Variants in NUBPL observed in about 807,000 individuals in gnomAD.
The protein encoded by NUBPL is iron-sulfur cluster transfer protein NUBPL.
A neutral mutation model predicts 45.7 loss-of-function variants in NUBPL; 31 were observed. The observed-to-expected ratio is 0.68, with a 90% CI of 0.51 to 0.92. The LOEUF is 0.92. NUBPL is among the 40% of genes least tolerant of loss of function. The probability of loss-of-function intolerance (pLI) is 0.00; values close to 1 mark genes in which losing one functional copy is unlikely to be tolerated. For missense variants in NUBPL, 401 were observed against 398.7 expected, an observed-to-expected ratio of 1.01 and a Z score of -0.05; for synonymous variants, 144 against 140.9, an observed-to-expected ratio of 1.02 and a Z score of -0.15.
chr14:31,601,062 G>A (rs574232674), intron 4 of NUBPL, among the ~76,000 whole-genome samples: 9 of 152,218 alleles, frequency 5.9e-5, no homozygotes, highest in African/African-American at 1.9e-4. Context: ...TCAGATAGTC[G>A]TAGATATGCG....
intron 6 of NUBPL, among the ~76,000 whole-genome samples, chr14:31,707,098 T>G (rs1164347353): frequency 5.6e-4 from 85 of 152,226 alleles, no homozygotes; most frequent in Non-Finnish European, 3.8e-4. Context: ...GGAGGAACCA[T>G]CTATCATCCT....
At chr14:31,705,875 G>A (rs920536598) in intron 6 of NUBPL, among the ~76,000 whole-genome samples, 14 of 152,184 alleles carry the variant, frequency 9.2e-5, no homozygotes, top group Non-Finnish European at 1.8e-4. Context: ...GCAGGTGCTG[G>A]CTGGCCATGC....
intron 1 of NUBPL, 149 bp from the exon 2 acceptor site, chr14:31,561,919 G>A: frequency 1.4e-6 from 1 of 732,020 alleles, no homozygotes; most frequent in Non-Finnish European, 2.3e-6. Context: ...GTTATCAGTA[G>A]TAGTAGGTAA....
chr14:31,695,841 C>T (rs1186740085), intron 6 of NUBPL, among the ~76,000 whole-genome samples: 1 of 152,218 alleles, frequency 6.6e-6, no homozygotes, highest in Non-Finnish European at 1.5e-5. Context: ...CCGCCTGAGT[C>T]ATTTGTGCCA....
chr14:31,601,701 A>G (rs2034438540), intron 4 of NUBPL, among the ~76,000 whole-genome samples: 1 of 152,208 alleles, frequency 6.6e-6, no homozygotes, highest in South Asian at 2.1e-4. Context: ...ACCATCTCAC[A>G]CCAATTAGAA....
intron 6 of NUBPL, among the ~76,000 whole-genome samples, chr14:31,696,528 C>T (rs1357961786): frequency 1.3e-5 from 2 of 152,042 alleles, no homozygotes; most frequent in Admixed American, 6.6e-5. Flanking sequence ...TGATCTTGCC[C>T]TTAATTCCCA....
rs2040109521 is a variant in NUBPL at position 31,826,667 on chromosome 14, A to G, written c.646A>G (p.Met216Val). 1.2e-6 allele frequency: 2 copies of G among 1,614,126 alleles called. No individual in the cohort carries two copies. The highest frequency in any genetic ancestry group is 1.7e-6 in the Non-Finnish European group (2 of 1,179,998). ...IVSTPQDIALMDAHKGAEMFR... is the reference protein window; with the variant it reads ...IVSTPQDIALVDAHKGAEMFR... ...CTCCACGCCCCAGGACATCGCATTGATGGATGCACACAAGGGTGCTGAGAT... is the reference window on the plus strand; with the variant it reads ...CTCCACGCCCCAGGACATCGCATTGGTGGATGCACACAAGGGTGCTGAGAT... Residue 216 changes from methionine to valine, a missense_variant, in exon 8 of 11, where the codon ATG becomes GTG. Physicochemically the swap from Met to Val is conservative, Grantham distance 21. Transcript: ENST00000281081.
intron 7 of NUBPL, among the ~76,000 whole-genome samples, chr14:31,804,929 C>G (rs1322746880): frequency 6.6e-6 from 1 of 152,042 alleles, no homozygotes; most frequent in Non-Finnish European, 1.5e-5. Context: ...CAAAAATTGG[C>G]AAAAGGGATC....
At chr14:31,754,602 T>C (rs1485819021) in intron 6 of NUBPL, among the ~76,000 whole-genome samples, 5 of 149,566 alleles carry the variant, frequency 3.3e-5, no homozygotes, top group Admixed American at 1.3e-4. Context: ...TTTTTTTTTT[T>C]TTTTTTTTTT....
At chr14:31,569,958 G>T (rs1308641176) in intron 3 of NUBPL, among the ~76,000 whole-genome samples, 1 of 152,042 alleles carries the variant, frequency 6.6e-6, no homozygotes, top group Non-Finnish European at 1.5e-5. Context: ...GCACAGTTTG[G>T]AAGAGCACTG....
chr14:31,706,302 G>A (rs8009987), intron 6 of NUBPL, among the ~76,000 whole-genome samples: 6,733 of 152,268 alleles, frequency 0.044, 249 homozygotes, highest in African/African-American at 0.1. Flanking sequence ...AAGGGCCAGC[G>A]GATCGGTCCA....
chr14:31,658,310 C>T (rs1054194295), intron 4 of NUBPL, among the ~76,000 whole-genome samples: 10 of 152,120 alleles, frequency 6.6e-5, no homozygotes, highest in African/African-American at 2.4e-4. Context: ...GTTTCTGTTG[C>T]TAGCTTTTTA....
At chr14:31,580,571 A>G (rs2033835810) in intron 3 of NUBPL, among the ~76,000 whole-genome samples, 1 of 152,170 alleles carries the variant, frequency 6.6e-6, no homozygotes. Flanking sequence ...CTATGATCAC[A>G]CCACTGTGCT....
chr14:31,811,227 C>T (rs2039798639), intron 7 of NUBPL, among the ~76,000 whole-genome samples: 1 of 152,178 alleles, frequency 6.6e-6, no homozygotes, highest in African/African-American at 2.4e-5. Context: ...CAGCTTGGTT[C>T]CATTCTCCCC....
chr14:31,592,432 T>TA (rs1040400553), intron 3 of NUBPL, among the ~76,000 whole-genome samples: 54 of 152,282 alleles, frequency 3.5e-4, no homozygotes, highest in African/African-American at 1.3e-3. Flanking sequence ...CAATCTGACT[T>TA]ATGTTTCATC....
At chr14:31,571,146 A>G (rs1203274176) in intron 3 of NUBPL, among the ~76,000 whole-genome samples, 4 of 152,034 alleles carry the variant, frequency 2.6e-5, no homozygotes, top group African/African-American at 4.8e-5. Flanking sequence ...CTACTTGTCT[A>G]CTGGAATGTT....
At chr14:31,593,071 T>C (rs914149213) in intron 3 of NUBPL, among the ~76,000 whole-genome samples, 1 of 151,994 alleles carries the variant, frequency 6.6e-6, no homozygotes, top group Admixed American at 6.6e-5. Context: ...AATACAACAA[T>C]AAAAAGTAAT....
chr14:31,848,387 C>T (rs960417128), intron 9 of NUBPL, among the ~76,000 whole-genome samples: 2 of 152,156 alleles, frequency 1.3e-5, no homozygotes, highest in Admixed American at 6.5e-5. Context: ...GCCAGTTGAA[C>T]CTCCTGGGAA....
At chr14:31,734,278 A>G (rs138709266) in intron 6 of NUBPL, among the ~76,000 whole-genome samples, 4 of 152,192 alleles carry the variant, frequency 2.6e-5, no homozygotes, top group African/African-American at 7.2e-5. Context: ...CCTTTTAAGC[A>G]TGAGCACTTC....
Sources: allele counts gnomAD v4.1 joint callset (sites outside exome capture counted in the v4.1 genomes callset), GRCh38; gene constraint gnomAD v4.1.1; transcripts MANE v1.5; gene names NCBI Gene and HGNC (gene_info 2026-07-23, HGNC 2026-07-21).